DAPK1: variants seen among roughly 807,000 people sequenced by gnomAD.
The protein encoded by DAPK1 is death associated protein kinase 1.
In DAPK1, 56 loss-of-function variants were observed where a neutral mutation model predicts 144.9. The observed-to-expected ratio is 0.39, with a 90% confidence interval of 0.31 to 0.48. The LOEUF (loss-of-function observed/expected upper bound fraction) is 0.48. DAPK1 is among the 20% of genes least tolerant of loss of function. The probability of loss-of-function intolerance (pLI) is 0.95; values close to 1 mark genes in which losing one functional copy is unlikely to be tolerated. For missense variants in DAPK1, 1,454 were observed against 1,875.4 expected (o/e 0.78, Z 4.15); for synonymous variants, 690 against 749.0 (o/e 0.92, Z 1.29).
intron 2 of DAPK1, among the ~76,000 whole-genome samples, chr9:87,588,505 C>A (rs1010714294): frequency 1.4e-5 from 2 of 148,002 alleles, no homozygotes; most frequent in African/African-American, 5.3e-5. Context: ...TGTTTTATTT[C>A]CCAAATGACC....
chr9:87,581,621 T>TC (rs942586105), intron 2 of DAPK1, among the ~76,000 whole-genome samples: 2 of 152,230 alleles, frequency 1.3e-5, no homozygotes, highest in East Asian at 3.9e-4. Context: ...ATCTGATTCT[T>TC]CCCCCCTAAC....
intron 3 of DAPK1, among the ~76,000 whole-genome samples, chr9:87,608,288 C>T (rs928703896): frequency 6.6e-6 from 1 of 152,194 alleles, no homozygotes. Context: ...TTCTTTCACT[C>T]AGCATAATGC....
chr9:87,504,645 G>A (rs36228626), intron 2 of DAPK1, among the ~76,000 whole-genome samples: 5,817 of 152,256 alleles, frequency 0.038, 357 homozygotes, highest in African/African-American at 0.13. Flanking sequence ...AGAGATGGAT[G>A]TCCAGATAAA....
At chr9:87,684,988 ACAGG>A (rs1824785487) in intron 20 of DAPK1, among the ~76,000 whole-genome samples, 1 of 152,222 alleles carries the variant, frequency 6.6e-6, no homozygotes, top group African/African-American at 2.4e-5. Context: ...CTTGTTCCTG[ACAGG>A]CAGGCACCCA....
intron 2 of DAPK1, among the ~76,000 whole-genome samples, chr9:87,499,951 T>C (rs1177939010): frequency 3.3e-5 from 5 of 152,224 alleles, no homozygotes; most frequent in Admixed American, 2.0e-4. Context: ...CATTTAAAAC[T>C]GAATTTATGG....
chr9:87,657,319 C>T (rs1241450750), intron 17 of DAPK1: 1 of 152,682 alleles, frequency 6.5e-6, no homozygotes, highest in Non-Finnish European at 1.5e-5. Context: ...TTGGGCACTG[C>T]ACTTCTGAAA....
intron 23 of DAPK1, 64 bp from the exon 24 acceptor site, chr9:87,700,053 C>T (rs1013427192): frequency 9.8e-6 from 14 of 1,423,064 alleles, no homozygotes; most frequent in Admixed American, 3.4e-5. Context: ...AGGAGCCTGG[C>T]CCCTCCATTA....
chr9:87,550,887 C>T (rs576631495), intron 2 of DAPK1, among the ~76,000 whole-genome samples: 1 of 152,320 alleles, frequency 6.6e-6, no homozygotes, highest in South Asian at 2.1e-4. Context: ...CTGCTAGGAA[C>T]ATTTTTGCAC....
At chr9:87,537,925 A>C (rs919006887) in intron 2 of DAPK1, among the ~76,000 whole-genome samples, 1 of 152,190 alleles carries the variant, frequency 6.6e-6, no homozygotes, top group Admixed American at 6.5e-5. Flanking sequence ...TCTCATTTAC[A>C]AAAGTAGTGG....
At chr9:87,704,460 G>A (rs1370061142) in intron 25 of DAPK1, among the ~76,000 whole-genome samples, 2 of 152,166 alleles carry the variant, frequency 1.3e-5, no homozygotes, top group Non-Finnish European at 2.9e-5. Flanking sequence ...TGTGTGGCCC[G>A]ACTTTGATTG....
At chr9:87,637,792 G>A in intron 3 of DAPK1, 151 bp from the exon 4 acceptor site, 1 of 840,934 alleles carries the variant, frequency 1.2e-6, no homozygotes, top group Non-Finnish European at 1.8e-6. Context: ...TCAACAACCT[G>A]CACAGAGAAT....
At chr9:87,560,405 T>G (rs1388521872) in intron 2 of DAPK1, among the ~76,000 whole-genome samples, 3 of 152,196 alleles carry the variant, frequency 2.0e-5, no homozygotes, top group Non-Finnish European at 2.9e-5. Context: ...CTGAGTTGTG[T>G]CAGCTATATC....
At chr9:87,595,913 C>G (rs142032793) in intron 2 of DAPK1, among the ~76,000 whole-genome samples, 3 of 152,108 alleles carry the variant, frequency 2.0e-5, no homozygotes, top group East Asian at 1.9e-4. Flanking sequence ...CCCATTTAAC[C>G]GAGCCCTTGT....
intron 2 of DAPK1, among the ~76,000 whole-genome samples, chr9:87,539,430 C>CTTTTTT (rs34369093): frequency 7.0e-5 from 9 of 129,230 alleles, no homozygotes; most frequent in Non-Finnish European, 9.4e-5. Flanking sequence ...AAATTTCTCA[C>CTTTTTT]TTTTTTTTTT....
chr9:87,609,204 G>C (rs1828837252), intron 3 of DAPK1, among the ~76,000 whole-genome samples: 1 of 152,192 alleles, frequency 6.6e-6, no homozygotes, highest in Admixed American at 6.5e-5. Flanking sequence ...TCTTGAGCCT[G>C]ATGGCTTGGG....
At chr9:87,523,847 C>T (rs544132064) in intron 2 of DAPK1, among the ~76,000 whole-genome samples, 2 of 152,216 alleles carry the variant, frequency 1.3e-5, no homozygotes, top group East Asian at 3.9e-4. Flanking sequence ...ATCAGCAAAG[C>T]TGCTGTTTCC....
chr9:87,674,700 ACT>A (rs1824299947), intron 19 of DAPK1, among the ~76,000 whole-genome samples: 1 of 152,158 alleles, frequency 6.6e-6, no homozygotes, highest in South Asian at 2.1e-4. Context: ...GTGCAGTCTC[ACT>A]GCACCCTGCC....
chr9:87,579,998 A>T (rs577908140), intron 2 of DAPK1, among the ~76,000 whole-genome samples: 1 of 152,230 alleles, frequency 6.6e-6, no homozygotes, highest in East Asian at 1.9e-4. Context: ...CTTGGTGGGG[A>T]CTCACTGGTA....
chr9:87,521,039 AT>A (rs1457185020), intron 2 of DAPK1, among the ~76,000 whole-genome samples: 4 of 152,240 alleles, frequency 2.6e-5, no homozygotes. Context: ...ATTTATTACC[AT>A]TAAATCTAAT....
Sources: gnomAD v4.1 joint callset for allele counts (sites outside exome capture counted in the v4.1 genomes callset) on GRCh38, gnomAD v4.1.1 for gene constraint, MANE v1.5 for transcripts, NCBI Gene and HGNC (gene_info 2026-07-23, HGNC 2026-07-21) for gene names.